The following LRRC4C variants were observed in gnomAD, a reference collection of about 807,000 sequenced individuals.
LRRC4C encodes the protein leucine rich repeat containing 4C.
A neutral mutation model predicts 33.6 loss-of-function variants in LRRC4C; 5 were observed. That is an observed-to-expected ratio of 0.15 (90% CI 0.08 to 0.31). The LOEUF is 0.31. Ranked by LOEUF, LRRC4C falls within the 10% of genes least tolerant of loss-of-function variation. LRRC4C has a pLI of 1.00. For synonymous variants in LRRC4C, 329 were observed against 302.0 expected (o/e 1.09, Z -0.93); for missense variants, 560 against 796.7 (o/e 0.70, Z 3.58).
chr11:40,876,139 C>T (rs1954874376), intron 2 of LRRC4C, among the ~76,000 whole-genome samples: 1 of 151,676 alleles, frequency 6.6e-6, no homozygotes, highest in African/African-American at 2.4e-5. Context: ...TTATCTCAAA[C>T]ATACTTTTAA....
intron 2 of LRRC4C, among the ~76,000 whole-genome samples, chr11:40,911,942 A>G (rs1418004996): frequency 4.9e-4 from 75 of 152,236 alleles, no homozygotes; most frequent in Non-Finnish European, 3.1e-4. Flanking sequence ...AATAAAAGGT[A>G]TCAGTGATGG....
chr11:40,280,470 G>C (rs1447644716), intron 4 of LRRC4C, among the ~76,000 whole-genome samples: 1 of 152,152 alleles, frequency 6.6e-6, no homozygotes, highest in African/African-American at 2.4e-5. Flanking sequence ...TCAGGTCTGC[G>C]ACACGGTCCC....
chr11:40,261,541 C>G (rs1941832192), intron 4 of LRRC4C, among the ~76,000 whole-genome samples: 3 of 152,010 alleles, frequency 2.0e-5, no homozygotes, highest in African/African-American at 7.2e-5. Context: ...CAACATTTAA[C>G]AAGACTATAA....
At chr11:40,169,725 T>C (rs894092518) in intron 5 of LRRC4C, among the ~76,000 whole-genome samples, 4 of 152,148 alleles carry the variant, frequency 2.6e-5, no homozygotes, top group Non-Finnish European at 5.9e-5. Context: ...TCTTACTCCA[T>C]AACCCTCGTA....
At chr11:40,137,750 T>C (rs1857079938) in intron 6 of LRRC4C, among the ~76,000 whole-genome samples, 1 of 152,232 alleles carries the variant, frequency 6.6e-6, no homozygotes, top group Non-Finnish European at 1.5e-5. Context: ...TTTCCTAACC[T>C]ATAAAATGTG....
chr11:40,333,509 G>A (rs1946452288), intron 3 of LRRC4C, among the ~76,000 whole-genome samples: 1 of 151,970 alleles, frequency 6.6e-6, no homozygotes, highest in African/African-American at 2.4e-5. Flanking sequence ...CTAAGGTCAG[G>A]AGTTCGAGAC....
At chr11:40,981,914 A>G (rs1284438554) in intron 1 of LRRC4C, among the ~76,000 whole-genome samples, 2 of 152,226 alleles carry the variant, frequency 1.3e-5, no homozygotes, top group African/African-American at 4.8e-5. Context: ...TAAACAACAA[A>G]GCCTTAAAGA....
intron 1 of LRRC4C, among the ~76,000 whole-genome samples, chr11:41,002,845 A>C (rs1366480631): frequency 1.3e-5 from 2 of 152,174 alleles, no homozygotes; most frequent in African/African-American, 4.8e-5. Flanking sequence ...CAGAAGATAA[A>C]GCATACGCCT....
chr11:40,344,970 A>G (rs994041653), intron 3 of LRRC4C, among the ~76,000 whole-genome samples: 56 of 152,198 alleles, frequency 3.7e-4, no homozygotes, highest in African/African-American at 1.4e-3. Flanking sequence ...ATCTACAATA[A>G]GAATTACAAA....
At chr11:40,230,881 T>C (rs563147977) in intron 5 of LRRC4C, among the ~76,000 whole-genome samples, 1 of 152,332 alleles carries the variant, frequency 6.6e-6, no homozygotes, top group East Asian at 1.9e-4. Flanking sequence ...ATTAACCATA[T>C]GCCATTTAAA....
At chr11:41,296,012 C>A (rs1251194303) in intron 1 of LRRC4C, among the ~76,000 whole-genome samples, 1 of 152,144 alleles carries the variant, frequency 6.6e-6, no homozygotes, top group Admixed American at 6.5e-5. Context: ...AAATAAAATC[C>A]CATGTTCCTG....
At chr11:40,942,340 G>A (rs1297088962) in intron 1 of LRRC4C, among the ~76,000 whole-genome samples, 1 of 152,124 alleles carries the variant, frequency 6.6e-6, no homozygotes, top group Non-Finnish European at 1.5e-5. Context: ...AGGACAAATG[G>A]CATACTTTCA....
intron 2 of LRRC4C, among the ~76,000 whole-genome samples, chr11:40,721,325 G>A (rs1013504107): frequency 1.2e-4 from 19 of 152,168 alleles, no homozygotes; most frequent in African/African-American, 4.6e-4. Context: ...AAGGATATGA[G>A]GATAACACAG....
intron 2 of LRRC4C, among the ~76,000 whole-genome samples, chr11:40,922,879 A>G (rs560884773): frequency 1.3e-3 from 199 of 152,188 alleles, no homozygotes; most frequent in Non-Finnish European, 2.4e-3. Context: ...AGGCTGGTGC[A>G]CAGTGGCGCA....
At chr11:40,523,390 T>C (rs1376807723) in intron 3 of LRRC4C, among the ~76,000 whole-genome samples, 1 of 151,704 alleles carries the variant, frequency 6.6e-6, no homozygotes, top group African/African-American at 2.4e-5. Flanking sequence ...TGTGTTTTTG[T>C]TTTTGTTGTT....
intron 1 of LRRC4C, among the ~76,000 whole-genome samples, chr11:41,241,124 GTGTT>G (rs1178197326): frequency 8.5e-5 from 13 of 152,116 alleles, no homozygotes; most frequent in African/African-American, 3.1e-4. Context: ...CTACCTTATA[GTGTT>G]GAATGATATC....
At chr11:40,934,148 A>G (rs1279792487) in intron 1 of LRRC4C, among the ~76,000 whole-genome samples, 1 of 152,156 alleles carries the variant, frequency 6.6e-6, no homozygotes, top group Non-Finnish European at 1.5e-5. Flanking sequence ...TTTTCCTTCT[A>G]TCTTATTCAC....
At chr11:41,118,108 AACTG>A (rs1942234469) in intron 1 of LRRC4C, among the ~76,000 whole-genome samples, 1 of 152,168 alleles carries the variant, frequency 6.6e-6, no homozygotes, top group Non-Finnish European at 1.5e-5. Context: ...AGGAAAATGA[AACTG>A]ACTTATTCTC....
chr11:41,439,060 G>A (rs540109505), intron 1 of LRRC4C, among the ~76,000 whole-genome samples: 2 of 152,064 alleles, frequency 1.3e-5, no homozygotes, highest in South Asian at 2.1e-4. Context: ...TCCTCTGACT[G>A]TCCTCCCTTT....
Sources: allele counts gnomAD v4.1 joint callset (sites outside exome capture counted in the v4.1 genomes callset), GRCh38; gene constraint gnomAD v4.1.1; transcripts MANE v1.5; gene names NCBI Gene and HGNC (gene_info 2026-07-23, HGNC 2026-07-21).